Variants in PARP15 observed in about 807,000 individuals in gnomAD.
PARP15 encodes the protein poly(ADP-ribose) polymerase family member 15, also known as protein mono-ADP-ribosyltransferase PARP15.
In PARP15, 50 loss-of-function variants were observed where a neutral mutation model predicts 62.1. That is an observed-to-expected ratio of 0.81 (90% CI 0.64 to 1.02). The LOEUF (loss-of-function observed/expected upper bound fraction) is 1.02. PARP15 is among the 50% of genes least tolerant of loss of function. The pLI is 0.00. For synonymous variants in PARP15, 309 were observed against 293.1 expected, an observed-to-expected ratio of 1.05 and a Z score of -0.55; for missense variants, 820 against 826.5, an observed-to-expected ratio of 0.99 and a Z score of 0.10.
At chr3:122,618,381 A>G (rs1443351570) in intron 6 of PARP15, among the ~76,000 whole-genome samples, 1 of 152,250 alleles carries the variant, frequency 6.6e-6, no homozygotes, top group Non-Finnish European at 1.5e-5. Flanking sequence ...GAAAACAACT[A>G]TGAACAAAAG....
intron 1 of PARP15, among the ~76,000 whole-genome samples, chr3:122,583,954 G>C (rs1354338198): frequency 6.6e-6 from 1 of 152,140 alleles, no homozygotes; most frequent in Non-Finnish European, 1.5e-5. Context: ...ACTCAGTGAG[G>C]CTTCCAGGCT....
At chr3:122,623,824 C>A (rs902445506) in intron 8 of PARP15, among the ~76,000 whole-genome samples, 1 of 152,132 alleles carries the variant, frequency 6.6e-6, no homozygotes, top group Non-Finnish European at 1.5e-5. Context: ...TGTTCTCTTC[C>A]CCATTGATTT....
rs961636480 is a variant in PARP15 at position 122,594,568 on chromosome 3, T to A, written c.187-11368T>A. On this transcript the variant is annotated intron_variant, in intron 1 of 11. Transcript: ENST00000464300. ...TCAGGGTAGGCAACGTAGGGTAAGTTGAAATTGATATAGGGTAGGGGAGGT... is the reference window on the plus strand; with the variant it reads ...TCAGGGTAGGCAACGTAGGGTAAGTAGAAATTGATATAGGGTAGGGGAGGT... 3.1e-6 allele frequency: 3 copies of A among 978,828 alleles called. No homozygotes were observed. In the African/African-American group the frequency reaches 5.3e-5, roughly 17 times the overall value. 60.6% of individuals were successfully genotyped at this position (978,828 alleles called of 1,614,324 possible). A position where few individuals can be genotyped will look rare whatever the true frequency, so the allele number is the denominator to read the frequency against.
At chr3:122,615,926 T>A in intron 5 of PARP15, 69 bp downstream of exon 5, 1 of 1,453,720 alleles carries the variant, frequency 6.9e-7, no homozygotes, top group Non-Finnish European at 9.6e-7. Context: ...GTAGTTGAAG[T>A]CCAGTAGAAG....
intron 1 of PARP15, among the ~76,000 whole-genome samples, chr3:122,602,919 A>G (rs1018452321): frequency 7.2e-5 from 11 of 152,204 alleles, no homozygotes; most frequent in African/African-American, 2.2e-4. Context: ...CAGTGGTGCC[A>G]TTTTAGGAAG....
intron 10 of PARP15, among the ~76,000 whole-genome samples, chr3:122,633,515 G>C (rs1937177342): frequency 6.6e-6 from 1 of 151,966 alleles, no homozygotes; most frequent in South Asian, 2.1e-4. Flanking sequence ...AATGTGTACA[G>C]ACCTTTTCTT....
chr3:122,597,289 G>C (rs77018132), intron 1 of PARP15, among the ~76,000 whole-genome samples: 12,824 of 152,086 alleles, frequency 0.084, 547 homozygotes, highest in Non-Finnish European at 0.1. Flanking sequence ...TACCACAATG[G>C]AAATTAGGTT....
chr3:122,614,842 C>G (rs1209829307), intron 4 of PARP15, among the ~76,000 whole-genome samples: 1 of 151,772 alleles, frequency 6.6e-6, no homozygotes, highest in African/African-American at 2.4e-5. Context: ...CAGCCTGTGC[C>G]ACATGGCAAA....
At position 122,577,824 on chromosome 3, in the gene PARP15, G is replaced by A; in HGVS notation, c.157G>A (p.Ala53Thr). 6.5e-7 allele frequency: 1 copy of A among 1,550,218 alleles called. No homozygotes were observed. Among genetic ancestry groups the A allele is most frequent in the African/African-American group, 1.4e-5 (1 of 73,054 alleles). Residue 53 changes from alanine (A) to threonine (T), a missense_variant, in exon 1 of 12, where the codon GCC becomes ACC. Physicochemically the swap from Ala to Thr is moderately conservative, Grantham distance 58. Coordinates refer to ENST00000464300, the MANE Select transcript of PARP15 (RefSeq NM_001113523.3). ...GGCCGGGAACCGTGGGGCGCGGAAGGCCTCCCGGCGCTCTTCCTCCCGGAG... is the reference window on the plus strand; with the variant it reads ...GGCCGGGAACCGTGGGGCGCGGAAGACCTCCCGGCGCTCTTCCTCCCGGAG... ...LPAGNRGARK[A>T]SRRSSSRSMS...
intron 5 of PARP15, among the ~76,000 whole-genome samples, chr3:122,616,542 A>G (rs4456806): frequency 0.3 from 45,529 of 151,640 alleles, 9,354 homozygotes; most frequent in African/African-American, 0.6. Flanking sequence ...ATGTTGACCA[A>G]GCTGGTCTCG....
In PARP15 at chr3:122,637,499, C is replaced by T. The variant is rs2668335; in HGVS notation, c.*1399C>T. The T allele has an allele frequency of 0.31, 47,150 of 151,966 alleles. 8,848 individuals are homozygous for T. Among genetic ancestry groups the T allele is most frequent in the African/African-American group, 0.53 (22,144 of 41,406 alleles). The allele number at this position is 151,966 out of a possible 1,614,324, so 9.4% of individuals were successfully genotyped here. ...CCTTCCCTCCAGTATATTAGAGTTACGTAAATTCTTAAAATGCTTAGCAGC... is the reference window on the plus strand; with the variant it reads ...CCTTCCCTCCAGTATATTAGAGTTATGTAAATTCTTAAAATGCTTAGCAGC... On this transcript the variant is annotated 3_prime_UTR_variant, in exon 12 of 12. Coordinates refer to ENST00000464300, the MANE Select transcript of PARP15 (RefSeq NM_001113523.3).
intron 1 of PARP15, among the ~76,000 whole-genome samples, chr3:122,603,238 T>G (rs1934932931): frequency 6.6e-6 from 1 of 152,102 alleles, no homozygotes; most frequent in Non-Finnish European, 1.5e-5. Flanking sequence ...ATGCATCACC[T>G]GATCAGAATG....
Position 122,632,142 on chromosome 3 carries a change from C to G in PARP15, c.1495C>G (p.Leu499Val), listed in dbSNP as rs201814305. 9 of 1,613,656 alleles carry G rather than the reference C, an allele frequency of 5.6e-6. No individual in the cohort carries two copies. In the African/African-American group the frequency reaches 6.7e-5, roughly 12 times the overall value. The change falls in exon 10 of 12, where the codon CTA (leucine) becomes GTA (valine). Residue 499 changes from leucine to valine, a missense_variant. Coordinates refer to ENST00000464300, the MANE Select transcript of PARP15 (RefSeq NM_001113523.3). ...TCATCAGCTGTTTTGCATGGTCCAG[C>G]TAGAGCCAGGACAATCAGAATATAA... ...MNHQLFCMVQ[L>V]EPGQSEYNTI...
At position 122,615,877 on chromosome 3, in the gene PARP15, C is replaced by T. The variant is rs115769989; in HGVS notation, c.850+20C>T. ...CCCAAGGTCTGGTAAAGTCGTTCTG[C>T]TAAGGAAATATTTCCTTTTGCTGAG... On this transcript the variant is annotated intron_variant, in intron 5 of 11. Transcript: ENST00000464300. 1,224 of 1,596,636 alleles carry T rather than the reference C, an allele frequency of 7.7e-4. 6 individuals carry two copies. In the African/African-American group the frequency reaches 0.015, roughly 19 times the overall value.
intron 2 of PARP15, among the ~76,000 whole-genome samples, chr3:122,609,752 C>T (rs1202630120): frequency 6.6e-6 from 1 of 151,230 alleles, no homozygotes; most frequent in Non-Finnish European, 1.5e-5. Flanking sequence ...TTTGTCTCCT[C>T]TTACTCCCAA....
intron 1 of PARP15, among the ~76,000 whole-genome samples, chr3:122,589,888 CTTTT>C (rs34826853): frequency 9.5e-4 from 97 of 102,012 alleles, no homozygotes; most frequent in Middle Eastern, 4.7e-3. Context: ...TAAGGCATAA[CTTTT>C]TTTTTTTTTT....
chr3:122,637,704 C>T lies in PARP15; in HGVS notation c.*1604C>T, dbSNP rs1329537373. On this transcript the variant is annotated 3_prime_UTR_variant, in exon 12 of 12. Coordinates refer to ENST00000464300, the MANE Select transcript of PARP15 (RefSeq NM_001113523.3). ...ACCACTGCCAATTTCTCATGTCTCC[C>T]TTCCAGTTTCTTCTCTGTCCAAATT... is the stretch of plus-strand genomic sequence containing the variant. 2.0e-5 allele frequency: 3 copies of T among 152,168 alleles called. No individual in the cohort carries two copies. Among genetic ancestry groups the T allele is most frequent in the Non-Finnish European group, 4.4e-5 (3 of 68,028 alleles). The allele number at this position is 152,168 out of a possible 1,614,324, so 9.4% of individuals were successfully genotyped here.
At chr3:122,609,135 A>G (rs1156800989) in intron 2 of PARP15, among the ~76,000 whole-genome samples, 1 of 152,172 alleles carries the variant, frequency 6.6e-6, no homozygotes, top group Non-Finnish European at 1.5e-5. Context: ...AGTGGGAGTG[A>G]GGAGAACATG....
chr3:122,615,155 T>C, intron 4 of PARP15: 3 of 1,155,228 alleles, frequency 2.6e-6, no homozygotes, highest in Non-Finnish European at 3.3e-6. Flanking sequence ...TGAAACTTTA[T>C]AACTCTACTC....
Sources: gnomAD v4.1 joint callset for allele counts (sites outside exome capture counted in the v4.1 genomes callset) on GRCh38, gnomAD v4.1.1 for gene constraint, MANE v1.5 for transcripts, NCBI Gene and HGNC (gene_info 2026-07-23, HGNC 2026-07-21) for gene names.